LHFPL1: variants seen among roughly 807,000 people sequenced by gnomAD.
The protein encoded by LHFPL1 is LHFPL tetraspan subfamily member 1 protein.
Under a neutral mutation model 12.1 loss-of-function variants are expected in LHFPL1, and 4 were observed. The observed-to-expected ratio is 0.33, with a 90% confidence interval of 0.16 to 0.76. The LOEUF is 0.76. Among genes scored for constraint, LHFPL1 ranks in the 30% least tolerant of loss-of-function variants. The pLI is 0.61. For missense variants in LHFPL1, 141 were observed against 174.1 expected (o/e 0.81, Z 1.07); for synonymous variants, 52 against 61.9 (o/e 0.84, Z 0.75).
intron 3 of LHFPL1, among the ~76,000 whole-genome samples, chrX:112,636,681 C>T (rs184912896): frequency 1.3e-4 from 15 of 111,818 alleles, no homozygotes; most frequent in African/African-American, 4.9e-4. Context: ...AGTAAGGAGA[C>T]AGGATAAATA....
At chrX:112,632,498 C>G (rs1052775408) in intron 3 of LHFPL1, among the ~76,000 whole-genome samples, 1 of 111,154 alleles carries the variant, frequency 9.0e-6, no homozygotes, top group African/African-American at 3.3e-5. Context: ...CTTAAGCAAA[C>G]AGGACTCCAG....
chrX:112,674,594 G>GA (rs1476372147), intron 1 of LHFPL1, among the ~76,000 whole-genome samples: 82 of 102,087 alleles, frequency 8.0e-4, no homozygotes, highest in Non-Finnish European at 1.3e-3. Context: ...AAATCAGTAA[G>GA]AAAAAAAAAA....
chrX:112,632,096 A>G (rs1373988050), intron 3 of LHFPL1, among the ~76,000 whole-genome samples: 1 of 111,769 alleles, frequency 8.9e-6, no homozygotes, highest in Non-Finnish European at 1.9e-5. Flanking sequence ...ATGCTGACTC[A>G]TCCTAACTTC....
At chrX:112,661,126 G>A (rs1234314366) in intron 2 of LHFPL1, among the ~76,000 whole-genome samples, 1 of 110,958 alleles carries the variant, frequency 9.0e-6, no homozygotes, top group Non-Finnish European at 1.9e-5. Flanking sequence ...TAAACATCAG[G>A]CAGGTCCCTA....
intron 3 of LHFPL1, among the ~76,000 whole-genome samples, chrX:112,655,470 A>C (rs1023847062): frequency 1.8e-5 from 2 of 112,292 alleles, no homozygotes; most frequent in African/African-American, 6.5e-5. Flanking sequence ...AAGAAAAGAT[A>C]GGTTGAAGAC....
chrX:112,675,942 T>C (rs2147735061), intron 1 of LHFPL1, among the ~76,000 whole-genome samples: 1 of 112,568 alleles, frequency 8.9e-6, no homozygotes, highest in South Asian at 3.7e-4. Flanking sequence ...TCGACTTGAC[T>C]TGAACGCAAT....
chrX:112,676,375 T>C (rs1213798211), intron 1 of LHFPL1, among the ~76,000 whole-genome samples: 1 of 111,783 alleles, frequency 8.9e-6, no homozygotes, highest in Non-Finnish European at 1.9e-5. Context: ...CCTGATGCTC[T>C]TGTAGAGTGG....
chrX:112,647,821 T>C (rs59867124), intron 3 of LHFPL1, among the ~76,000 whole-genome samples: 1,328 of 112,170 alleles, frequency 0.012, 23 homozygotes, highest in African/African-American at 0.041. Context: ...ATCCCATTAC[T>C]GGGTATATAC....
intron 2 of LHFPL1, among the ~76,000 whole-genome samples, chrX:112,662,144 G>C (rs1402149177): frequency 8.9e-6 from 1 of 112,486 alleles, no homozygotes. Flanking sequence ...AACCAAAAGA[G>C]CCTAATTACA....
chrX:112,633,808 A>G, intron 3 of LHFPL1, among the ~76,000 whole-genome samples: 1 of 112,184 alleles, frequency 8.9e-6, no homozygotes, highest in East Asian at 2.8e-4. Flanking sequence ...TTGAAAGAGA[A>G]GCCTCCTTTG....
chrX:112,639,844 T>C (rs1930451293), intron 3 of LHFPL1, among the ~76,000 whole-genome samples: 1 of 112,396 alleles, frequency 8.9e-6, no homozygotes, highest in South Asian at 3.7e-4. Context: ...CCGTGTTGCC[T>C]TTTATACAGC....
At position 112,630,808 on chromosome X, in the gene LHFPL1, A is replaced by T. The variant is rs1414945553; in HGVS notation, c.*612T>A. ...ATCACCCAGCCAGAATACAAATGGAACTCCTATGAATATTCTAAAGCATAA... is the reference window on the plus strand; with the variant it reads ...ATCACCCAGCCAGAATACAAATGGATCTCCTATGAATATTCTAAAGCATAA... On this transcript the variant is annotated 3_prime_UTR_variant, in exon 4 of 4. Transcript: ENST00000371968. 9.0e-6 allele frequency: 1 copy of T among 111,469 alleles called. No individual in the cohort carries two copies. Among genetic ancestry groups the T allele is most frequent in the East Asian group, 2.8e-4 (1 of 3,541 alleles). 9.2% of individuals were successfully genotyped at this position (111,469 alleles called of 1,213,427 possible). A position where few individuals can be genotyped will look rare whatever the true frequency, so the allele number is the denominator to read the frequency against.
intron 2 of LHFPL1, among the ~76,000 whole-genome samples, chrX:112,664,949 T>C (rs1054774855): frequency 2.7e-5 from 3 of 111,784 alleles, no homozygotes; most frequent in African/African-American, 9.8e-5. Flanking sequence ...CCCAGGAATA[T>C]GCATTTTAAA....
At chrX:112,665,350 C>T (rs1171205921) in intron 2 of LHFPL1, among the ~76,000 whole-genome samples, 1 of 111,088 alleles carries the variant, frequency 9.0e-6, no homozygotes. Context: ...GCCATCACAC[C>T]TGACTAATGT....
At chrX:112,672,190 C>T (rs1931528148) in intron 1 of LHFPL1, among the ~76,000 whole-genome samples, 1 of 112,028 alleles carries the variant, frequency 8.9e-6, no homozygotes, top group African/African-American at 3.2e-5. Flanking sequence ...TTAAGAAAAG[C>T]TTCCTTGTCC....
chrX:112,645,289 T>C (rs1051312056), intron 3 of LHFPL1, among the ~76,000 whole-genome samples: 1 of 112,306 alleles, frequency 8.9e-6, no homozygotes, highest in Non-Finnish European at 1.9e-5. Context: ...AGGCTCATAT[T>C]TGAACCCAGG....
intron 3 of LHFPL1, among the ~76,000 whole-genome samples, chrX:112,647,704 G>C (rs969021313): frequency 2.7e-5 from 3 of 112,098 alleles, no homozygotes; most frequent in Admixed American, 9.4e-5. Context: ...GGAGAAATAA[G>C]AACACTTTTA....
At position 112,630,939 on chromosome X, in the gene LHFPL1, G is replaced by C. The variant is rs1930170076; in HGVS notation, c.*481C>G. The C allele has an allele frequency of 1.8e-5, 2 of 111,764 alleles. No individual in the cohort carries two copies. The highest frequency in any genetic ancestry group is 6.5e-5 in the African/African-American group (2 of 30,554). 9.2% of individuals were successfully genotyped at this position (111,764 alleles called of 1,213,427 possible). On this transcript the variant is annotated 3_prime_UTR_variant, in exon 4 of 4. Coordinates refer to ENST00000371968, the MANE Select transcript of LHFPL1 (RefSeq NM_178175.4). ...CCTGAAGCTTCCCCACAAGGTGCGG[G>C]GGGAAGCAGGAGAAAAAAAGGAAGA...
At chrX:112,661,789 T>A (rs1931195665) in intron 2 of LHFPL1, 2 of 111,969 alleles carry the variant, frequency 1.8e-5, no homozygotes, top group African/African-American at 6.5e-5. Context: ...GGGGAAAAAA[T>A]CATAAAGATG....
Sources: gnomAD v4.1 joint callset for allele counts (sites outside exome capture counted in the v4.1 genomes callset) on GRCh38, gnomAD v4.1.1 for gene constraint, MANE v1.5 for transcripts, NCBI Gene and HGNC (gene_info 2026-07-23, HGNC 2026-07-21) for gene names.